Variants in EXOC4 observed in about 807,000 individuals in gnomAD.
EXOC4 encodes the protein exocyst complex component 4.
Under a neutral mutation model 107.2 loss-of-function variants are expected in EXOC4, and 71 were observed. The observed-to-expected ratio is 0.66, with a 90% CI of 0.55 to 0.81. The LOEUF is 0.81. EXOC4 is among the 30% of genes least tolerant of loss of function. EXOC4 has a pLI of 0.00. For missense variants in EXOC4, 1,108 were observed against 1,189.6 expected, an observed-to-expected ratio of 0.93 and a Z score of 1.01; for synonymous variants, 456 against 441.2, an observed-to-expected ratio of 1.03 and a Z score of -0.42.
chr7:133,317,690 C>CT (rs1033151997), intron 5 of EXOC4, among the ~76,000 whole-genome samples: 12 of 150,894 alleles, frequency 8.0e-5, no homozygotes, highest in Non-Finnish European at 1.2e-4. Context: ...TTCTTTCTTT[C>CT]TTTTTTTTTG....
In EXOC4 at chr7:133,597,569, A is replaced by T. The variant is rs1331972812; in HGVS notation, c.1418-32476A>T. ...AACTCTGTTTCAAAAAAAAAAAAAAAAAAAAACCCAAAAAAAAAACCCCGA... is the reference window on the plus strand; with the variant it reads ...AACTCTGTTTCAAAAAAAAAAAAAATAAAAAACCCAAAAAAAAAACCCCGA... On this transcript the variant is annotated intron_variant, in intron 9 of 17. Transcript: ENST00000253861. Among the ~76,000 whole-genome samples, 21 of 145,856 alleles carry T rather than the reference A, an allele frequency of 1.4e-4. No individual in the cohort carries two copies. The South Asian group carries it at 4.4e-3, about 30-fold the overall frequency.
At chr7:133,503,372 G>A (rs1799610301) in intron 9 of EXOC4, among the ~76,000 whole-genome samples, 1 of 152,132 alleles carries the variant, frequency 6.6e-6, no homozygotes, top group African/African-American at 2.4e-5. Context: ...TGTTGCTATG[G>A]CATTTTTCTC....
chr7:133,522,953 C>T (rs1290396379), intron 9 of EXOC4, among the ~76,000 whole-genome samples: 1 of 152,126 alleles, frequency 6.6e-6, no homozygotes, highest in Non-Finnish European at 1.5e-5. Context: ...AGGGCATGGG[C>T]AATACTTCGT....
At chr7:133,392,023 G>T (rs188841114) in intron 7 of EXOC4, among the ~76,000 whole-genome samples, 14 of 152,278 alleles carry the variant, frequency 9.2e-5, no homozygotes, top group East Asian at 3.9e-4. Context: ...ACAACAGAAA[G>T]AAATAATTTA....
At chr7:134,095,433 C>T in the EXOC4 span, among the ~76,000 whole-genome samples, 1 of 152,128 alleles carries the variant, frequency 6.6e-6, no homozygotes, top group African/African-American at 2.4e-5. Context: ...TCCTATCGAA[C>T]TGCCAACTTC....
chr7:133,484,461 T>C (rs1303580833), intron 9 of EXOC4, among the ~76,000 whole-genome samples: 2 of 152,178 alleles, frequency 1.3e-5, no homozygotes, highest in African/African-American at 4.8e-5. Flanking sequence ...ACATTTTATT[T>C]GAATATAGCT....
intron 10 of EXOC4, among the ~76,000 whole-genome samples, chr7:133,697,463 T>A (rs1391944407): frequency 6.6e-6 from 1 of 152,066 alleles, no homozygotes; most frequent in African/African-American, 2.4e-5. Flanking sequence ...ACAAAACGAG[T>A]TAATGTTAGA....
the EXOC4 span, among the ~76,000 whole-genome samples, chr7:134,099,476 A>G: frequency 2.7e-5 from 4 of 146,740 alleles, no homozygotes; most frequent in African/African-American, 1.0e-4. Context: ...AGTTCCCCCC[A>G]GTGTATTACC....
At chr7:133,393,067 C>T (rs534173963) in intron 7 of EXOC4, among the ~76,000 whole-genome samples, 15 of 152,088 alleles carry the variant, frequency 9.9e-5, no homozygotes, top group Non-Finnish European at 1.9e-4. Context: ...TTTGTTTATT[C>T]CATACATCTT....
At chr7:133,510,029 A>G (rs1360135933) in intron 9 of EXOC4, among the ~76,000 whole-genome samples, 1 of 152,206 alleles carries the variant, frequency 6.6e-6, no homozygotes, top group African/African-American at 2.4e-5. Flanking sequence ...TAAATTTACA[A>G]TTCAGCAGTT....
chr7:133,702,064 G>A (rs1336224067), intron 10 of EXOC4, among the ~76,000 whole-genome samples: 1 of 131,548 alleles, frequency 7.6e-6, no homozygotes, highest in Non-Finnish European at 1.6e-5. Flanking sequence ...ACAGTGTGGT[G>A]ATCTTGGCTC....
chr7:133,557,749 G>C (rs1216013893), intron 9 of EXOC4, among the ~76,000 whole-genome samples: 1 of 152,128 alleles, frequency 6.6e-6, no homozygotes, highest in Non-Finnish European at 1.5e-5. Context: ...CCAGCACTTT[G>C]GGAGGCCTAG....
In EXOC4 at chr7:133,416,708, A is replaced by C. The variant is rs190949592; in HGVS notation, c.1182+41706A>C. Reference sequence around the variant, plus strand: ...ACTATCAGATATTTGAGAAGAAATAATTGAGGAAAACGTTTCAGAACACTC... The same window carrying C: ...ACTATCAGATATTTGAGAAGAAATACTTGAGGAAAACGTTTCAGAACACTC... On this transcript the variant is annotated intron_variant, in intron 7 of 17. Transcript: ENST00000253861. Among the ~76,000 whole-genome samples, 6 of 152,296 alleles carry C rather than the reference A, an allele frequency of 3.9e-5. No homozygotes were observed. In the East Asian group the frequency reaches 1.2e-3, roughly 29 times the overall value.
At chr7:133,710,585 G>A (rs561242656) in intron 10 of EXOC4, among the ~76,000 whole-genome samples, 2 of 149,376 alleles carry the variant, frequency 1.3e-5, no homozygotes, top group Non-Finnish European at 3.0e-5. Flanking sequence ...GCGTGAACCC[G>A]GGAGGCGGAG....
At chr7:133,662,718 G>GA (rs201331427) in intron 10 of EXOC4, among the ~76,000 whole-genome samples, 6 of 150,828 alleles carry the variant, frequency 4.0e-5, no homozygotes, top group Admixed American at 2.0e-4. Context: ...TATAAAACAA[G>GA]AAAAAAAAAG....
chr7:133,561,811 G>A (rs947437388), intron 9 of EXOC4, among the ~76,000 whole-genome samples: 12 of 152,194 alleles, frequency 7.9e-5, no homozygotes, highest in African/African-American at 1.2e-4. Context: ...GTGCGTGCGC[G>A]TGCCCCAAGA....
intron 12 of EXOC4, among the ~76,000 whole-genome samples, chr7:133,913,007 G>A (rs1018433612): frequency 1.3e-5 from 2 of 152,144 alleles, no homozygotes; most frequent in South Asian, 4.1e-4. Flanking sequence ...CACAAAAAAA[G>A]AGGACTCAGA....
intron 3 of EXOC4, among the ~76,000 whole-genome samples, 193 bp from the exon 4 acceptor site, chr7:133,305,684 A>G (rs972636123): frequency 6.6e-6 from 1 of 152,126 alleles, no homozygotes; most frequent in Non-Finnish European, 1.5e-5. Flanking sequence ...ATCTTTGTCT[A>G]GATTGTTTTA....
At chr7:133,917,516 A>G in intron 12 of EXOC4, 67 bp from the exon 13 acceptor site, 1 of 1,482,660 alleles carries the variant, frequency 6.7e-7, no homozygotes, top group Non-Finnish European at 9.3e-7. Flanking sequence ...CAGCAAAGGT[A>G]GATGAAAATG....
Sources: gnomAD v4.1 joint callset for allele counts (sites outside exome capture counted in the v4.1 genomes callset) on GRCh38, gnomAD v4.1.1 for gene constraint, MANE v1.5 for transcripts, NCBI Gene and HGNC (gene_info 2026-07-23, HGNC 2026-07-21) for gene names.